FRMD4A: variants seen among roughly 807,000 people sequenced by gnomAD.
The protein encoded by FRMD4A is FERM domain containing 4A, also known as FERM domain-containing protein 4A.
Under a neutral mutation model 129.1 loss-of-function variants are expected in FRMD4A, and 29 were observed. The ratio of observed to expected loss-of-function variants is 0.22; its 90% CI spans 0.17 to 0.31. FRMD4A has a LOEUF of 0.31. Ranked by LOEUF, FRMD4A falls within the 10% of genes least tolerant of loss-of-function variation. FRMD4A has a pLI of 1.00. For missense variants in FRMD4A, 1,272 were observed against 1,375.8 expected (o/e 0.92, Z 1.19); for synonymous variants, 634 against 571.6 (o/e 1.11, Z -1.56).
rs1257335750 is a variant in FRMD4A, at chr10:14,222,009, T to C, written c.45+108049A>G. 2.1e-4 allele frequency among the ~76,000 whole-genome samples: 32 copies of C among 152,230 alleles called. 1 individual carries two copies. Among genetic ancestry groups the C allele is most frequent in the Admixed American group, 2.0e-3 (31 of 15,282 alleles). On this transcript the variant is annotated intron_variant, in intron 2 of 24. Coordinates refer to ENST00000357447, the MANE Select transcript of FRMD4A (RefSeq NM_018027.5). Reference sequence around the variant, plus strand: ...ATTACTTCTTGTAGGTTTTGCGGTCTCTGTCTTTTTAAAGGGAGAAAATGA... The same window carrying C: ...ATTACTTCTTGTAGGTTTTGCGGTCCCTGTCTTTTTAAAGGGAGAAAATGA...
intron 15 of FRMD4A, among the ~76,000 whole-genome samples, chr10:13,679,130 A>C (rs1401812917): frequency 6.6e-6 from 1 of 151,890 alleles, no homozygotes; most frequent in Non-Finnish European, 1.5e-5. Context: ...TTTAAAAAAC[A>C]CATAGTGTTA....
chr10:14,145,795 G>C (rs568183392), intron 2 of FRMD4A, among the ~76,000 whole-genome samples: 4 of 152,268 alleles, frequency 2.6e-5, no homozygotes, highest in African/African-American at 9.6e-5. Flanking sequence ...CTGAGAGAGA[G>C]AGAAACTGAC....
At chr10:13,854,460 G>T (rs537701964) in intron 3 of FRMD4A, among the ~76,000 whole-genome samples, 187 of 151,948 alleles carry the variant, frequency 1.2e-3, no homozygotes, top group African/African-American at 4.3e-3. Context: ...TTGCTCTGTC[G>T]CCCAGGCTGG....
intron 2 of FRMD4A, among the ~76,000 whole-genome samples, chr10:14,198,867 A>G (rs989993965): frequency 6.6e-6 from 1 of 152,216 alleles, no homozygotes; most frequent in Non-Finnish European, 1.5e-5. Flanking sequence ...TCTATAAAAT[A>G]TGAAGATAAC....
rs1219456183 is a variant in FRMD4A, at chr10:13,884,196, TCACACACACACTCACA to T, written c.46-25300_46-25285del. 9.5e-3 allele frequency among the ~76,000 whole-genome samples: 1,031 copies of T among 108,504 alleles called. 27 individuals are homozygous for T. The highest frequency in any genetic ancestry group is 0.031 in the African/African-American group (850 of 27,820). 71.2% of individuals were successfully genotyped at this position (108,504 alleles called of 152,430 possible). A position where few individuals can be genotyped will look rare whatever the true frequency, so the allele number is the denominator to read the frequency against. ...CACACTCACACACACACACACACAC[TCACACACACACTCACA>T]CACACACACACACACACACACACAC... is the stretch of plus-strand genomic sequence containing the variant. On this transcript the variant is annotated intron_variant, in intron 2 of 24. Coordinates refer to ENST00000357447, the MANE Select transcript of FRMD4A (RefSeq NM_018027.5).
At chr10:14,035,766 G>C (rs956375766) in intron 2 of FRMD4A, among the ~76,000 whole-genome samples, 1 of 152,154 alleles carries the variant, frequency 6.6e-6, no homozygotes, top group Admixed American at 6.5e-5. Flanking sequence ...GCCTCACACT[G>C]TTCCTATGAA....
intron 2 of FRMD4A, among the ~76,000 whole-genome samples, chr10:14,053,696 T>C (rs1197156881): frequency 6.6e-6 from 1 of 152,052 alleles, no homozygotes; most frequent in East Asian, 1.9e-4. Flanking sequence ...GCTTTGTTGA[T>C]TGTTATGGCC....
chr10:13,765,298 G>A (rs987784362), intron 6 of FRMD4A, among the ~76,000 whole-genome samples: 2 of 151,784 alleles, frequency 1.3e-5, no homozygotes, highest in Admixed American at 6.6e-5. Context: ...TGCATTTTTA[G>A]TAGAGATGGG....
chr10:13,650,214 ATTTT>A (rs771088040), intron 24 of FRMD4A, among the ~76,000 whole-genome samples: 5 of 152,094 alleles, frequency 3.3e-5, no homozygotes, highest in Non-Finnish European at 5.9e-5. Context: ...AAACTGAATT[ATTTT>A]TTTAAACGTA....
chr10:14,185,775 G>T (rs11258930), intron 2 of FRMD4A, among the ~76,000 whole-genome samples: 4,071 of 151,228 alleles, frequency 0.027, 167 homozygotes, highest in African/African-American at 0.088. Context: ...CAAAGCAACA[G>T]ATACGTACAA....
chr10:14,296,701 G>C (rs558308041), intron 2 of FRMD4A, among the ~76,000 whole-genome samples: 1 of 152,122 alleles, frequency 6.6e-6, no homozygotes, highest in Non-Finnish European at 1.5e-5. Flanking sequence ...TTCTTGAGTC[G>C]TTACCATAAA....
At chr10:14,224,037 T>C (rs1380761516) in intron 2 of FRMD4A, among the ~76,000 whole-genome samples, 1 of 152,178 alleles carries the variant, frequency 6.6e-6, no homozygotes, top group Non-Finnish European at 1.5e-5. Flanking sequence ...AAAAGGGACA[T>C]ACATTGTCCA....
chr10:13,768,077 G>GGT (rs1304011761), intron 6 of FRMD4A, among the ~76,000 whole-genome samples: 1 of 110,660 alleles, frequency 9.0e-6, no homozygotes, highest in African/African-American at 3.2e-5. Context: ...ACCGTCTGCA[G>GGT]GTATGTGTGT....
chr10:13,832,211 C>G (rs551809135), intron 3 of FRMD4A, among the ~76,000 whole-genome samples: 1 of 152,040 alleles, frequency 6.6e-6, no homozygotes. Context: ...TGCTCCCTCT[C>G]GGCCACTCTT....
chr10:13,774,627 G>A (rs1418276044), intron 6 of FRMD4A, among the ~76,000 whole-genome samples: 7 of 152,078 alleles, frequency 4.6e-5, no homozygotes, highest in South Asian at 2.1e-4. Flanking sequence ...ACTGATATTC[G>A]GGGTTCCCCA....
intron 6 of FRMD4A, among the ~76,000 whole-genome samples, chr10:13,763,456 G>A (rs1322836115): frequency 6.6e-6 from 1 of 152,122 alleles, no homozygotes; most frequent in Non-Finnish European, 1.5e-5. Flanking sequence ...GTGCTCAATA[G>A]TTCAGTGTCG....
intron 8 of FRMD4A, 26 bp downstream of exon 8, chr10:13,761,621 A>T: frequency 6.4e-7 from 1 of 1,573,720 alleles, no homozygotes; most frequent in Non-Finnish European, 8.7e-7. Context: ...ATTTTAAACA[A>T]CACAACAACA....
At chr10:14,221,726 T>C (rs1344844002) in intron 2 of FRMD4A, among the ~76,000 whole-genome samples, 3 of 86 alleles carry the variant, frequency 0.035, no homozygotes, top group African/African-American at 0.044. Context: ...CGCCGGGTAA[T>C]TTTTTTTTTT....
At chr10:13,729,101 C>A (rs1323419115) in intron 12 of FRMD4A, among the ~76,000 whole-genome samples, 1 of 49,366 alleles carries the variant, frequency 2.0e-5, no homozygotes, top group Non-Finnish European at 5.3e-5. Flanking sequence ...CCCCCGCCCG[C>A]CCCCGCGGCC....
Sources: gnomAD v4.1 joint callset for allele counts (sites outside exome capture counted in the v4.1 genomes callset) on GRCh38, gnomAD v4.1.1 for gene constraint, MANE v1.5 for transcripts, NCBI Gene and HGNC (gene_info 2026-07-23, HGNC 2026-07-21) for gene names.